The following NOX4 variants were observed in gnomAD, a reference collection of about 807,000 sequenced individuals.
NOX4 encodes the protein NADPH oxidase 4.
NOX4 carries 69 observed loss-of-function variants against 87.6 expected under a neutral mutation model. That is an observed-to-expected ratio of 0.79 (90% confidence interval 0.65 to 0.96). The LOEUF is 0.96. Ranked by LOEUF, NOX4 falls within the 40% of genes least tolerant of loss-of-function variation. The probability of loss-of-function intolerance (pLI) is 0.00; values close to 1 mark genes in which losing one functional copy is unlikely to be tolerated. For synonymous variants in NOX4, 275 were observed against 238.2 expected (o/e 1.15, Z -1.42); for missense variants, 680 against 681.5 (o/e 1.00, Z 0.02).
the NOX4 span, among the ~76,000 whole-genome samples, chr11:89,511,437 A>C: frequency 6.6e-5 from 10 of 151,274 alleles, no homozygotes; most frequent in Admixed American, 6.6e-4. Context: ...CCACCTTTCC[A>C]CTCCCTGTTT....
At chr11:89,474,289 A>G (rs1327155078) in intron 2 of NOX4, among the ~76,000 whole-genome samples, 2 of 152,114 alleles carry the variant, frequency 1.3e-5, no homozygotes, top group Non-Finnish European at 2.9e-5. Context: ...AAGACAAAGG[A>G]AATGCAATTC....
chr11:89,394,471 C>T (rs1239965329), intron 11 of NOX4, among the ~76,000 whole-genome samples: 2 of 151,934 alleles, frequency 1.3e-5, no homozygotes, highest in Non-Finnish European at 2.9e-5. Flanking sequence ...AATAAAGTTG[C>T]CAACACAAGG....
At chr11:89,393,438 GA>G (rs35062621) in intron 11 of NOX4, among the ~76,000 whole-genome samples, 27 of 148,140 alleles carry the variant, frequency 1.8e-4, no homozygotes, top group South Asian at 8.6e-4. Context: ...GATCCCAAAG[GA>G]AAAAAAAAAT....
chr11:89,528,294 T>A, the NOX4 span, among the ~76,000 whole-genome samples: 1 of 152,288 alleles, frequency 6.6e-6, no homozygotes, highest in East Asian at 1.9e-4. Context: ...TTGCCATGTC[T>A]CAGGCAGGAC....
Position 89,326,753 on chromosome 11 carries a change from T to C in NOX4, c.*3A>G, listed in dbSNP as rs1376339973. ...TTAGAGTCCTGCTTCATGGCAAAAGTTTTCAGCTGAAAGACTCTTTATTGT... is the reference window on the plus strand; with the variant it reads ...TTAGAGTCCTGCTTCATGGCAAAAGCTTTCAGCTGAAAGACTCTTTATTGT... On this transcript the variant is annotated 3_prime_UTR_variant, in exon 18 of 18. Coordinates refer to ENST00000263317, the MANE Select transcript of NOX4 (RefSeq NM_016931.5). 5.6e-6 allele frequency: 9 copies of C among 1,611,866 alleles called. No individual in the cohort carries two copies. The Admixed American group carries it at 1.5e-4, about 27-fold the overall frequency.
At position 89,423,908 on chromosome 11, in the gene NOX4, T is replaced by TA. The variant is rs530629196; in HGVS notation, c.549-1927dup. On this transcript the variant is annotated intron_variant, in intron 7 of 17. Transcript: ENST00000263317. ...GACCTTACGAAAAAATAAATACAAT[T>TA]AAAAAAAATAAAATTAGGCATGGTG... is the stretch of plus-strand genomic sequence containing the variant. Among the ~76,000 whole-genome samples, 25 of 151,420 alleles carry TA rather than the reference T, an allele frequency of 1.7e-4. No homozygotes were observed. In the East Asian group the frequency reaches 3.9e-3, roughly 24 times the overall value.
At chr11:89,424,403 A>T (rs1943261428) in intron 7 of NOX4, among the ~76,000 whole-genome samples, 1 of 150,612 alleles carries the variant, frequency 6.6e-6, no homozygotes, top group Admixed American at 6.6e-5. Flanking sequence ...AGATATATCT[A>T]CTTTTTCTGG....
chr11:89,427,525 T>C (rs1437325401), intron 7 of NOX4, among the ~76,000 whole-genome samples: 1 of 152,066 alleles, frequency 6.6e-6, no homozygotes, highest in African/African-American at 2.4e-5. Flanking sequence ...GAGAAGTCCT[T>C]AAATGACCTG....
the NOX4 span, among the ~76,000 whole-genome samples, chr11:89,553,411 C>A: frequency 6.6e-6 from 1 of 152,132 alleles, no homozygotes; most frequent in Non-Finnish European, 1.5e-5. Context: ...TCGTAAGTTT[C>A]CTGAGGCCTT....
the NOX4 span, among the ~76,000 whole-genome samples, chr11:89,530,454 T>C: frequency 2.6e-5 from 4 of 151,088 alleles, no homozygotes; most frequent in Admixed American, 2.6e-4. Context: ...GTGATTCTCC[T>C]GCCTCAGCCT....
intron 2 of NOX4, among the ~76,000 whole-genome samples, chr11:89,479,440 T>C (rs1329483277): frequency 6.6e-6 from 1 of 152,168 alleles, no homozygotes; most frequent in Non-Finnish European, 1.5e-5. Flanking sequence ...AGGCATTCCA[T>C]ATAATCTTTT....
At chr11:89,428,554 G>C (rs1218020552) in intron 7 of NOX4, among the ~76,000 whole-genome samples, 1 of 151,692 alleles carries the variant, frequency 6.6e-6, no homozygotes, top group Non-Finnish European at 1.5e-5. Context: ...AAAAAGGCAG[G>C]GGTTGCAATC....
the NOX4 span, among the ~76,000 whole-genome samples, chr11:89,526,098 C>A: frequency 2.6e-5 from 4 of 152,076 alleles, no homozygotes; most frequent in Admixed American, 2.6e-4. Context: ...ACTAATACAG[C>A]CTTATAGTAG....
chr11:89,566,354 C>T, the NOX4 span, among the ~76,000 whole-genome samples: 1 of 152,102 alleles, frequency 6.6e-6, no homozygotes, highest in African/African-American at 2.4e-5. Flanking sequence ...TTAATACTTT[C>T]TTTCCACATA....
chr11:89,492,241 A>G (rs1473316541), upstream of NOX4: 1 of 152,190 alleles, frequency 6.6e-6, no homozygotes, highest in Non-Finnish European at 1.5e-5. Flanking sequence ...CAGTATTAGA[A>G]AAGAGAGAGA....
intron 5 of NOX4, among the ~76,000 whole-genome samples, chr11:89,442,758 A>C (rs1422187310): frequency 6.6e-6 from 1 of 152,204 alleles, no homozygotes; most frequent in Admixed American, 6.5e-5. Flanking sequence ...AATAAATTTA[A>C]TAACTGAAAA....
intron 2 of NOX4, among the ~76,000 whole-genome samples, chr11:89,476,822 C>G (rs1946187813): frequency 6.6e-6 from 1 of 152,100 alleles, no homozygotes; most frequent in African/African-American, 2.4e-5. Flanking sequence ...CACACGGCCA[C>G]ATAAATAGAC....
At chr11:89,538,824 G>C in the NOX4 span, among the ~76,000 whole-genome samples, 2 of 151,926 alleles carry the variant, frequency 1.3e-5, no homozygotes, top group Non-Finnish European at 2.9e-5. Context: ...AGATGTTATG[G>C]ACTCAATGTT....
intron 11 of NOX4, among the ~76,000 whole-genome samples, chr11:89,384,158 T>C (rs1391342555): frequency 6.6e-6 from 1 of 152,148 alleles, no homozygotes; most frequent in Non-Finnish European, 1.5e-5. Flanking sequence ...ATCCACCCCA[T>C]GGTGCCAAAC....
Sources: allele counts gnomAD v4.1 joint callset (sites outside exome capture counted in the v4.1 genomes callset), GRCh38; gene constraint gnomAD v4.1.1; transcripts MANE v1.5; gene names NCBI Gene and HGNC (gene_info 2026-07-23, HGNC 2026-07-21).